Variants in POC1B observed in about 807,000 individuals in gnomAD.
POC1B encodes POC1 centriolar protein homolog B.
POC1B carries 44 observed loss-of-function variants against 60.6 expected under a neutral mutation model. The observed-to-expected ratio is 0.73, with a 90% CI of 0.57 to 0.93. The LOEUF is 0.93. POC1B is among the 40% of genes least tolerant of loss of function. The pLI is 0.00. For missense variants in POC1B, 555 were observed against 572.3 expected (o/e 0.97, Z 0.31); for synonymous variants, 180 against 198.9 (o/e 0.90, Z 0.80).
intron 4 of POC1B, among the ~76,000 whole-genome samples, chr12:89,476,759 TAGACAGAC>T (rs1167476204): frequency 0.034 from 2,020 of 58,564 alleles, 51 homozygotes; most frequent in African/African-American, 0.085. Flanking sequence ...GATAGATAGA[TAGACAGAC>T]AGACAGACAG....
intron 2 of POC1B, chr12:89,524,383 G>T (rs763373158): frequency 1.9e-6 from 3 of 1,613,984 alleles, no homozygotes; most frequent in Non-Finnish European, 2.5e-6. Context: ...CAAATCCTCC[G>T]TATTTTTCTG....
chr12:89,402,317 G>A, the POC1B span, among the ~76,000 whole-genome samples: 2 of 148,242 alleles, frequency 1.3e-5, no homozygotes, highest in South Asian at 2.2e-4. Flanking sequence ...ATTCCTATAT[G>A]ACAAGATGTG....
intron 3 of POC1B, among the ~76,000 whole-genome samples, chr12:89,492,989 C>A (rs1454540455): frequency 1.3e-5 from 2 of 152,164 alleles, no homozygotes; most frequent in African/African-American, 4.8e-5. Flanking sequence ...AAGAGCGTAA[C>A]TCCAAGCATG....
At chr12:89,511,914 C>T (rs1870207591) in intron 2 of POC1B, among the ~76,000 whole-genome samples, 1 of 151,836 alleles carries the variant, frequency 6.6e-6, no homozygotes, top group Non-Finnish European at 1.5e-5. Context: ...ATGAGCCAGG[C>T]GTGGTGGCGT....
intron 2 of POC1B, chr12:89,500,443 T>C (rs1400020565): frequency 3.2e-6 from 5 of 1,555,462 alleles, no homozygotes; most frequent in Non-Finnish European, 3.5e-6. Flanking sequence ...ATGAAGTTCG[T>C]CAGAAAATTC....
intron 4 of POC1B, among the ~76,000 whole-genome samples, chr12:89,488,805 T>C (rs906191024): frequency 5.9e-5 from 9 of 152,152 alleles, no homozygotes; most frequent in African/African-American, 2.2e-4. Flanking sequence ...CTATTATTAT[T>C]ATTCAGGGTG....
chr12:89,522,833 T>C, intron 2 of POC1B: 1 of 1,585,804 alleles, frequency 6.3e-7, no homozygotes, highest in Non-Finnish European at 8.6e-7. Flanking sequence ...AAACTCCAAA[T>C]TTGATTTTTA....
At chr12:89,498,072 C>A (rs1869346989) in intron 2 of POC1B, among the ~76,000 whole-genome samples, 1 of 152,162 alleles carries the variant, frequency 6.6e-6, no homozygotes, top group Non-Finnish European at 1.5e-5. Context: ...GCACAGTTAG[C>A]AGCTTCATGA....
intron 2 of POC1B, among the ~76,000 whole-genome samples, chr12:89,516,003 T>C (rs146023272): frequency 6.6e-6 from 1 of 152,168 alleles, no homozygotes; most frequent in Non-Finnish European, 1.5e-5. Flanking sequence ...CCAGTGAGAA[T>C]TGCTGGTCAA....
intron 2 of POC1B, chr12:89,522,597 C>A: frequency 2.2e-6 from 1 of 450,336 alleles, no homozygotes; most frequent in Non-Finnish European, 3.7e-6. Flanking sequence ...TTATATAAAA[C>A]AACCAATAAG....
At chr12:89,511,579 G>A (rs556368039) in intron 2 of POC1B, among the ~76,000 whole-genome samples, 20 of 152,164 alleles carry the variant, frequency 1.3e-4, no homozygotes, top group Non-Finnish European at 2.4e-4. Flanking sequence ...TTTACCTGGT[G>A]CCATGACTTT....
At chr12:89,429,401 G>A (rs1488821996) in intron 10 of POC1B, 1 of 152,132 alleles carries the variant, frequency 6.6e-6, no homozygotes, top group Non-Finnish European at 1.5e-5. Context: ...CAGCATGGGG[G>A]AGGTTCAATA....
chr12:89,491,910 C>T, intron 4 of POC1B, 26 bp downstream of exon 4: 1 of 1,453,164 alleles, frequency 6.9e-7, no homozygotes, highest in Non-Finnish European at 9.1e-7. Flanking sequence ...ATGTGGACAT[C>T]TTAATATGAA....
At chr12:89,416,067 A>G (rs1469646346), downstream of POC1B, among the ~76,000 whole-genome samples, 1 of 152,256 alleles carries the variant, frequency 6.6e-6, no homozygotes, top group African/African-American at 2.4e-5. Context: ...AAAATAAAAA[A>G]TACTCATTTA....
chr12:89,422,669 G>A (rs1490476035), intron 11 of POC1B, among the ~76,000 whole-genome samples: 2 of 152,174 alleles, frequency 1.3e-5, no homozygotes, highest in Non-Finnish European at 2.9e-5. Flanking sequence ...CCTGGAGTTT[G>A]CAAATGATGA....
intron 2 of POC1B, chr12:89,500,582 G>A: frequency 1.9e-6 from 3 of 1,604,996 alleles, no homozygotes; most frequent in Non-Finnish European, 1.7e-6. Flanking sequence ...TGTTCTTTTG[G>A]ATGCAAAAAC....
chr12:89,506,951 A>G (rs185717072), intron 2 of POC1B, among the ~76,000 whole-genome samples: 1 of 152,296 alleles, frequency 6.6e-6, no homozygotes, highest in African/African-American at 2.4e-5. Context: ...TTCTTCCTCA[A>G]GAAAGTGGGA....
chr12:89,445,602 T>C (rs938913522), intron 10 of POC1B, among the ~76,000 whole-genome samples: 3 of 152,118 alleles, frequency 2.0e-5, no homozygotes, highest in Non-Finnish European at 4.4e-5. Flanking sequence ...ATACAAAAAT[T>C]AATTCAAGAT....
Position 89,517,222 on chromosome 12 carries a change from T to G in POC1B, c.100+7898A>C, listed in dbSNP as rs115225946. Among the ~76,000 whole-genome samples, 852 of 152,288 alleles carry G rather than the reference T, an allele frequency of 5.6e-3. 11 individuals carry two copies. Among genetic ancestry groups the G allele is most frequent in the African/African-American group, 0.019 (800 of 41,552 alleles). On this transcript the variant is annotated intron_variant, in intron 2 of 11. Transcript: ENST00000313546. The stretch of plus-strand genomic sequence containing the variant: ...TGATCTTTGCCTATGCTACTCTCCT[T>G]TTAGTCCTTACCTAGCTAACTTCTC...
Sources: allele counts gnomAD v4.1 joint callset (sites outside exome capture counted in the v4.1 genomes callset), GRCh38; gene constraint gnomAD v4.1.1; transcripts MANE v1.5; gene names NCBI Gene and HGNC (gene_info 2026-07-23, HGNC 2026-07-21).